GNL3L: variants seen among roughly 807,000 people sequenced by gnomAD.
The protein encoded by GNL3L is guanine nucleotide-binding protein-like 3-like protein.
GNL3L carries 4 observed loss-of-function variants against 42.9 expected under a neutral mutation model. The observed-to-expected ratio is 0.09, with a 90% CI of 0.05 to 0.21. The LOEUF (loss-of-function observed/expected upper bound fraction) is 0.21. Ranked by LOEUF, GNL3L falls within the 10% of genes least tolerant of loss-of-function variation. The probability of loss-of-function intolerance (pLI) is 1.00; values close to 1 mark genes in which losing one functional copy is unlikely to be tolerated. For synonymous variants in GNL3L, 159 were observed against 176.3 expected (o/e 0.90, Z 0.78); for missense variants, 412 against 481.7 (o/e 0.86, Z 1.36).
At chrX:54,599,729 AGGCTCTCTTCATTTTTC>A (rs1403055860) in intron 16 of GNL3L, among the ~76,000 whole-genome samples, 4 of 110,402 alleles carry the variant, frequency 3.6e-5, no homozygotes, top group African/African-American at 1.3e-4. Context: ...CAGGTTGCTG[AGGCTCTCTTCATTTTTC>A]TGAGTCTATT....
intron 16 of GNL3L, among the ~76,000 whole-genome samples, chrX:54,619,401 A>G (rs372045630): frequency 3.3e-4 from 37 of 111,581 alleles, no homozygotes; most frequent in African/African-American, 1.2e-3. Context: ...TCATTTCTGT[A>G]AATAATTATT....
At chrX:54,631,524 C>G in the GNL3L span, among the ~76,000 whole-genome samples, 1 of 111,641 alleles carries the variant, frequency 9.0e-6, no homozygotes, top group Non-Finnish European at 1.9e-5. Flanking sequence ...TAATGTCCCT[C>G]TTTGTCTTTT....
chrX:54,531,008 C>T lies in GNL3L; in HGVS notation c.-48+589C>T, dbSNP rs926736195. Among the ~76,000 whole-genome samples, 17 of 111,871 alleles carry T rather than the reference C, an allele frequency of 1.5e-4. 1 individual carries two copies. On this transcript the variant is annotated intron_variant, in intron 1 of 15. Transcript: ENST00000360845. ...AGCTTATGGACAACTAAGCCAATTG[C>T]CCCCTCCTCTTAGGTTAGAGTGAGT...
chrX:54,624,588 C>T (rs749973293), downstream of GNL3L, among the ~76,000 whole-genome samples: 20 of 108,827 alleles, frequency 1.8e-4, no homozygotes, highest in Non-Finnish European at 1.7e-4. Flanking sequence ...CAGGCACCCA[C>T]CACTACACCT....
At chrX:54,554,203 G>A (rs1925020041) in intron 13 of GNL3L, among the ~76,000 whole-genome samples, 1 of 111,058 alleles carries the variant, frequency 9.0e-6, no homozygotes, top group South Asian at 3.8e-4. Flanking sequence ...AGAGAGAGGA[G>A]GAGAAAGTCT....
intron 9 of GNL3L, among the ~76,000 whole-genome samples, chrX:54,548,899 T>G (rs1450917931): frequency 9.0e-6 from 1 of 110,691 alleles, no homozygotes; most frequent in African/African-American, 3.3e-5. Context: ...CATACCAGGA[T>G]AGATACAGAA....
intron 5 of GNL3L, among the ~76,000 whole-genome samples, chrX:54,542,003 T>A (rs766614441): frequency 8.9e-6 from 1 of 111,744 alleles, no homozygotes; most frequent in South Asian, 3.7e-4. Flanking sequence ...GGCGCACACA[T>A]GAACCATGGG....
chrX:54,626,242 A>G (rs1164198388), downstream of GNL3L, among the ~76,000 whole-genome samples: 3 of 110,472 alleles, frequency 2.7e-5, no homozygotes, highest in Admixed American at 2.9e-4. Context: ...ATGAACTCAA[A>G]TTTTTTTTAG....
chrX:54,555,161 C>T (rs888570187), intron 14 of GNL3L, among the ~76,000 whole-genome samples: 14 of 108,434 alleles, frequency 1.3e-4, no homozygotes, highest in East Asian at 8.9e-4. Context: ...TACAGGCATG[C>T]GCCACGACAC....
rs759543965 is a variant in GNL3L, at chrX:54,564,923, G to A, written c.*4321G>A. ...TAATTTTTGTATTTTTAGTAGAGGC[G>A]GGGGTTTCTCCACACTGGCCAGGCT... On this transcript the variant is annotated 3_prime_UTR_variant, in exon 16 of 16. Coordinates refer to ENST00000360845, the MANE Select transcript of GNL3L (RefSeq NM_001184819.2). Among the ~76,000 whole-genome samples the A allele has an allele frequency of 9.5e-6, 1 of 105,564 alleles. No homozygotes were observed. The highest frequency in any genetic ancestry group is 3.5e-5 in the African/African-American group (1 of 28,866). The allele number at this position is 105,564 out of a possible 115,157, so 91.7% of individuals were successfully genotyped here.
At chrX:54,571,638 G>A (rs890018446), downstream of GNL3L, among the ~76,000 whole-genome samples, 1 of 109,350 alleles carries the variant, frequency 9.1e-6, no homozygotes, top group African/African-American at 3.3e-5. Flanking sequence ...CCTGGCTTGA[G>A]ACATCTGATG....
chrX:54,551,074 C>T (rs774268847), intron 10 of GNL3L, 24 bp downstream of exon 10: 6 of 805,002 alleles, frequency 7.5e-6, no homozygotes, highest in Non-Finnish European at 1.1e-5. Flanking sequence ...TGCTCCTCCA[C>T]TCCACAATTC....
intron 16 of GNL3L, among the ~76,000 whole-genome samples, chrX:54,616,007 A>G (rs1035162336): frequency 1.2e-4 from 14 of 113,303 alleles, no homozygotes; most frequent in Admixed American, 1.0e-3. Flanking sequence ...CACGGATGTC[A>G]TCACTTTGAA....
intron 16 of GNL3L, among the ~76,000 whole-genome samples, chrX:54,592,389 G>T (rs1024229140): frequency 8.9e-6 from 1 of 112,215 alleles, no homozygotes; most frequent in African/African-American, 3.2e-5. Context: ...CTGTGTTCCA[G>T]ATCTCGCAGG....
At chrX:54,639,810 G>A in the GNL3L span, among the ~76,000 whole-genome samples, 1 of 111,768 alleles carries the variant, frequency 8.9e-6, no homozygotes, top group Non-Finnish European at 1.9e-5. Context: ...GCTCACAGCC[G>A]GAGTGAGGCT....
chrX:54,633,563 CA>C, the GNL3L span, among the ~76,000 whole-genome samples: 2 of 110,962 alleles, frequency 1.8e-5, no homozygotes, highest in Non-Finnish European at 3.8e-5. Context: ...GATTGTCTTT[CA>C]GGGGGACTTG....
intron 16 of GNL3L, among the ~76,000 whole-genome samples, chrX:54,608,787 T>C (rs1406504091): frequency 8.9e-6 from 1 of 112,481 alleles, no homozygotes; most frequent in Non-Finnish European, 1.9e-5. Flanking sequence ...TCCACGATTT[T>C]GCAGTTGTGG....
chrX:54,572,612 G>A (rs1181675963), intron 16 of GNL3L, among the ~76,000 whole-genome samples: 1 of 109,773 alleles, frequency 9.1e-6, no homozygotes, highest in African/African-American at 3.3e-5. Flanking sequence ...CCTCCCGGAT[G>A]GGGCGGCTGG....
At position 54,564,154 on chromosome X, in the gene GNL3L, AATGAGT is replaced by A. The variant is rs1464744342; in HGVS notation, c.*3554_*3559del. Among the ~76,000 whole-genome samples the A allele has an allele frequency of 9.0e-6, 1 of 111,220 alleles. No individual in the cohort carries two copies. Among genetic ancestry groups the A allele is most frequent in the African/African-American group, 3.3e-5 (1 of 30,526 alleles). ...GACTGTCATATCAATAGAATCATAC[AATGAGT>A]AGGCTTATTTTATGCCTTCAGGTTT... On this transcript the variant is annotated 3_prime_UTR_variant, in exon 16 of 16. Transcript: ENST00000360845.
Sources: gnomAD v4.1 joint callset for allele counts (sites outside exome capture counted in the v4.1 genomes callset) on GRCh38, gnomAD v4.1.1 for gene constraint, MANE v1.5 for transcripts, NCBI Gene and HGNC (gene_info 2026-07-23, HGNC 2026-07-21) for gene names.